Variants in LARP6 observed in about 807,000 individuals in gnomAD.
LARP6 encodes La ribonucleoprotein 6, translational regulator.
A neutral mutation model predicts 32.8 loss-of-function variants in LARP6; 18 were observed. That is an observed-to-expected ratio of 0.55 (90% CI 0.38 to 0.81). The LOEUF (loss-of-function observed/expected upper bound fraction) is 0.81, where lower values mean the gene tolerates loss of function less well. Ranked by LOEUF, LARP6 falls within the 40% of genes least tolerant of loss-of-function variation. The pLI is 0.00. For synonymous variants in LARP6, 289 were observed against 267.2 expected, an observed-to-expected ratio of 1.08 and a Z score of -0.80; for missense variants, 598 against 663.1, an observed-to-expected ratio of 0.90 and a Z score of 1.08.
chr15:70,833,370 A>G (rs552402422), intron 2 of LARP6, among the ~76,000 whole-genome samples: 1 of 152,340 alleles, frequency 6.6e-6, no homozygotes, highest in East Asian at 1.9e-4. Context: ...GAAAATGGAA[A>G]TATTCCATTC....
Position 70,830,266 on chromosome 15 carries a change from C to T in LARP6, c.*1786G>A, listed in dbSNP as rs2032016416. On this transcript the variant is annotated 3_prime_UTR_variant, in exon 3 of 3. Coordinates refer to ENST00000299213, the MANE Select transcript of LARP6 (RefSeq NM_018357.4). ...CCTGCTAATTTGTATAGAGCCATAT[C>T]ATTTAGGATATACTATCTTTGTCCA... 1 of 152,354 alleles carries T rather than the reference C, an allele frequency of 6.6e-6. No homozygotes were observed. The highest frequency in any genetic ancestry group is 1.9e-4 in the East Asian group (1 of 5,196). The allele number at this position is 152,354 out of a possible 1,614,324, so 9.4% of individuals were successfully genotyped here. A position where few individuals can be genotyped will look rare whatever the true frequency, so the allele number is the denominator to read the frequency against.
chr15:70,853,942 G>T lies in LARP6; in HGVS notation c.147C>A (p.Tyr49Ter). ...ETRGAGDPARYLSPGWGSASE... is the reference protein window; with the variant it reads ...ETRGAGDPAR ...TCGCGCTGCCCCAGCCGGGGCTGAGGTACCGGGCCGGGTCCCCGGCGCCCC... is the reference window on the plus strand; with the variant it reads ...TCGCGCTGCCCCAGCCGGGGCTGAGTTACCGGGCCGGGTCCCCGGCGCCCC... Residue 49 changes from tyrosine (Y) to a stop codon, truncating the protein, a stop_gained, in exon 1 of 3, where the codon TAC becomes TAA. Coordinates refer to ENST00000299213, the MANE Select transcript of LARP6 (RefSeq NM_018357.4). LOFTEE classifies it high-confidence loss of function. The T allele has an allele frequency of 6.9e-7, 1 of 1,444,172 alleles. No homozygotes were observed. The highest frequency in any genetic ancestry group is 9.1e-7 in the Non-Finnish European group (1 of 1,093,770). The allele number at this position is 1,444,172 out of a possible 1,614,324, so 89.5% of individuals were successfully genotyped here.
intron 1 of LARP6, among the ~76,000 whole-genome samples, chr15:70,840,296 T>G (rs1005306655): frequency 6.6e-6 from 1 of 152,102 alleles, no homozygotes; most frequent in Non-Finnish European, 1.5e-5. Context: ...TCCCAGCACT[T>G]TGGGAGGCTG....
intron 1 of LARP6, among the ~76,000 whole-genome samples, chr15:70,847,289 T>C (rs1428625952): frequency 6.6e-6 from 1 of 152,222 alleles, no homozygotes; most frequent in African/African-American, 2.4e-5. Context: ...TCTTTTGTTA[T>C]AGCTATAAAC....
intron 1 of LARP6, among the ~76,000 whole-genome samples, chr15:70,838,770 G>T (rs1567021241): frequency 1.3e-5 from 2 of 152,154 alleles, no homozygotes; most frequent in Admixed American, 6.5e-5. Flanking sequence ...AAAGTTGCAG[G>T]TAGGTAGTTA....
At chr15:70,852,431 T>C (rs2032495226) in intron 1 of LARP6, 1 of 300,054 alleles carries the variant, frequency 3.3e-6, no homozygotes, top group South Asian at 2.7e-5. Context: ...GCCTTAAACA[T>C]AAGTAGAGCT....
chr15:70,832,679 T>C lies in LARP6; in HGVS notation c.849A>G (p.Lys283=). 5.0e-6 allele frequency: 8 copies of C among 1,607,388 alleles called. No homozygotes were observed. The highest frequency in any genetic ancestry group is 6.8e-6 in the Non-Finnish European group (8 of 1,178,078). The change falls in exon 3 of 3, where the codon AAA becomes AAG. Residue 283 remains lysine, a synonymous_variant. Coordinates refer to ENST00000299213, the MANE Select transcript of LARP6 (RefSeq NM_018357.4). ...CAATCAGGACAGCTTTCATGTTCTC[T>C]TTGCCCTGAGATTCTGTGATCATGA... ...HEFMITESQG[K]ENMKAVLIGM...
At chr15:70,837,399 TA>T in intron 1 of LARP6, among the ~76,000 whole-genome samples, 2 of 152,088 alleles carry the variant, frequency 1.3e-5, no homozygotes, top group Non-Finnish European at 2.9e-5. Context: ...ATAATAATAA[TA>T]ATTATTATAA....
chr15:70,849,514 A>G (rs1020052727), intron 1 of LARP6: 15 of 152,254 alleles, frequency 9.9e-5, no homozygotes, highest in Non-Finnish European at 1.9e-4. Flanking sequence ...CTGGTATTTG[A>G]AAAAAGCAGA....
At position 70,845,078 on chromosome 15, in the gene LARP6, T is replaced by A. The variant is rs565948156; in HGVS notation, c.201-8573A>T. On this transcript the variant is annotated intron_variant, in intron 1 of 2. Transcript: ENST00000299213. Reference sequence around the variant, plus strand: ...ATTGTACAGAGAGTTCCCATATATATACACCCAGGCTTGCTCTGTTATAAA... The same window carrying A: ...ATTGTACAGAGAGTTCCCATATATAAACACCCAGGCTTGCTCTGTTATAAA... Among the ~76,000 whole-genome samples, 18 of 152,364 alleles carry A rather than the reference T, an allele frequency of 1.2e-4. No homozygotes were observed. In the South Asian group the frequency reaches 2.7e-3, roughly 23 times the overall value.
Position 70,854,103 on chromosome 15 carries a change from C to T in LARP6, c.-15G>A, listed in dbSNP as rs756309403. 2.4e-6 allele frequency: 3 copies of T among 1,252,280 alleles called. No homozygotes were observed. Among genetic ancestry groups the T allele is most frequent in the Non-Finnish European group, 2.0e-6 (2 of 995,406 alleles). The allele number at this position is 1,252,280 out of a possible 1,614,324, so 77.6% of individuals were successfully genotyped here. A position where few individuals can be genotyped will look rare whatever the true frequency, so the allele number is the denominator to read the frequency against. On this transcript the variant is annotated 5_prime_UTR_variant, in exon 1 of 3. Coordinates refer to ENST00000299213, the MANE Select transcript of LARP6 (RefSeq NM_018357.4). ...GACTGGGCCATGGCTCGCGGGACTGCGGCGCCGCCGGGGTCCTCACGCCGC... is the reference window on the plus strand; with the variant it reads ...GACTGGGCCATGGCTCGCGGGACTGTGGCGCCGCCGGGGTCCTCACGCCGC...
At chr15:70,845,977 T>C (rs1159880902) in intron 1 of LARP6, among the ~76,000 whole-genome samples, 2 of 152,324 alleles carry the variant, frequency 1.3e-5, no homozygotes, top group East Asian at 1.9e-4. Flanking sequence ...CTCTTTTTTT[T>C]CCCCCTTAAA....
In LARP6 at chr15:70,834,064, C is replaced by T. The variant is rs956258745; in HGVS notation, c.412-948G>A. On this transcript the variant is annotated intron_variant, in intron 2 of 2. Transcript: ENST00000299213. Reference sequence around the variant, plus strand: ...GTGGGTGGGGTGGGTAACCTGAGCCCGTAATGGCGAGATCCCCCTGAGTCC... The same window carrying T: ...GTGGGTGGGGTGGGTAACCTGAGCCTGTAATGGCGAGATCCCCCTGAGTCC... Among the ~76,000 whole-genome samples the T allele has an allele frequency of 3.9e-5, 6 of 152,282 alleles. No individual in the cohort carries two copies. The South Asian group carries it at 1.0e-3, about 26-fold the overall frequency.
At chr15:70,853,773 G>A (rs1354589618) in intron 1 of LARP6, 116 bp downstream of exon 1, 1 of 757,294 alleles carries the variant, frequency 1.3e-6, no homozygotes, top group African/African-American at 1.8e-5. Context: ...CCCCGGCGGC[G>A]GGGCTGACTC....
chr15:70,835,819 C>T (rs1021046380), intron 2 of LARP6, among the ~76,000 whole-genome samples: 1 of 152,202 alleles, frequency 6.6e-6, no homozygotes, highest in Non-Finnish European at 1.5e-5. Context: ...AGGATGATGG[C>T]GTCACACAGG....
At chr15:70,852,158 T>C (rs1727372907) in intron 1 of LARP6, 1 of 384,470 alleles carries the variant, frequency 2.6e-6, no homozygotes, top group South Asian at 1.9e-5. Context: ...CAGGGGATAG[T>C]GTGGATCCTG....
intron 1 of LARP6, among the ~76,000 whole-genome samples, chr15:70,843,410 C>T (rs2032291298): frequency 6.6e-6 from 1 of 152,264 alleles, no homozygotes; most frequent in South Asian, 2.1e-4. Context: ...TCCACCTTTC[C>T]TCCCTAGAGG....
In LARP6 at chr15:70,851,784, G is replaced by A; in HGVS notation, c.200+2105C>T. 4 of 1,606,446 alleles carry A rather than the reference G, an allele frequency of 2.5e-6. 1 individual carries two copies. The South Asian group carries it at 4.4e-5, about 18-fold the overall frequency. Reference sequence around the variant, plus strand: ...AGGTGCTAGGCATAAAATGTACAGAGTACTACAGCAACAGAGAAGAAAGGA... The same window carrying A: ...AGGTGCTAGGCATAAAATGTACAGAATACTACAGCAACAGAGAAGAAAGGA... On this transcript the variant is annotated intron_variant, in intron 1 of 2. Transcript: ENST00000299213.
chr15:70,839,407 T>C (rs2032210086), intron 1 of LARP6, among the ~76,000 whole-genome samples: 4 of 147,788 alleles, frequency 2.7e-5, no homozygotes. Context: ...ACCACTGCCC[T>C]CCAGTCTGGG....
Sources: gnomAD v4.1 joint callset for allele counts (sites outside exome capture counted in the v4.1 genomes callset) on GRCh38, gnomAD v4.1.1 for gene constraint, MANE v1.5 for transcripts, NCBI Gene and HGNC (gene_info 2026-07-23, HGNC 2026-07-21) for gene names.